MUC17: variants seen among roughly 807,000 people sequenced by gnomAD.
The protein encoded by MUC17 is mucin-17.
Under a neutral mutation model 170.3 loss-of-function variants are expected in MUC17, and 190 were observed. The observed-to-expected ratio is 1.12, with a 90% CI of 0.99 to 1.26. The LOEUF is 1.26. Ranked by LOEUF, MUC17 falls within the 50% of genes most tolerant of loss-of-function variation. The pLI, the probability that MUC17 is intolerant of heterozygous loss-of-function variation, is 0.00. For synonymous variants in MUC17, 2,325 were observed against 2,002.5 expected (o/e 1.16, Z -4.30); for missense variants, 6,415 against 5,530.0 (o/e 1.16, Z -5.08).
In MUC17 at chr7:101,058,268, G is replaced by C. The variant is rs1454089772; in HGVS notation, c.*224G>C. The C allele has an allele frequency of 5.2e-6, 2 of 386,916 alleles. No individual in the cohort carries two copies. The highest frequency in any genetic ancestry group is 9.3e-6 in the Non-Finnish European group (2 of 214,796). The allele number at this position is 386,916 out of a possible 1,614,324, so 24.0% of individuals were successfully genotyped here. On this transcript the variant is annotated 3_prime_UTR_variant, in exon 13 of 13. Coordinates refer to ENST00000306151, the MANE Select transcript of MUC17 (RefSeq NM_001040105.2). ...ATGGGCTTGTCATGATATCAGGCTA[G>C]GCTTTCCTGCTCATTTTTCAAAGAC...
rs1369952499 is a variant in MUC17 at position 101,039,254 on chromosome 7, C to T, written c.7838C>T (p.Ser2613Leu). 3 of 1,613,476 alleles carry T rather than the reference C, an allele frequency of 1.9e-6. No individual in the cohort carries two copies. Among genetic ancestry groups the T allele is most frequent in the East Asian group, 4.5e-5 (2 of 44,842 alleles). Residue 2613 changes from serine (S) to leucine (L), a missense_variant, in exon 3 of 13, where the codon TCA becomes TTA. Ser to Leu is a moderately radical substitution (Grantham distance 145, BLOSUM62 -2). Coordinates refer to ENST00000306151, the MANE Select transcript of MUC17 (RefSeq NM_001040105.2). The part of the protein sequence containing the change: ...IPVTTSTETS[S>L]SPTTAKDTSM... ...GTCACCACTTCTACTGAAACCAGTT[C>T]ATCTCCTACAACTGCAAAAGATACC...
rs138940821 is a variant in MUC17, at chr7:101,053,091, G to A, written c.13209G>A (p.Leu4403=). 3 of 1,614,036 alleles carry A rather than the reference G, an allele frequency of 1.9e-6. No homozygotes were observed. The highest frequency in any genetic ancestry group is 2.5e-6 in the Non-Finnish European group (3 of 1,180,022). Residue 4403 remains leucine, a synonymous_variant, in exon 10 of 13, where the codon CTG becomes CTA. Coordinates refer to ENST00000306151, the MANE Select transcript of MUC17 (RefSeq NM_001040105.2). ...GLVGAGVVLM[L]IILVALLMLV... is the part of the protein sequence containing the mutation. Reference sequence around the variant, plus strand: ...TGGGGGCAGGGGTCGTGCTGATGCTGATCATCCTGGTAGCTCTCCTGATGC... The same window carrying A: ...TGGGGGCAGGGGTCGTGCTGATGCTAATCATCCTGGTAGCTCTCCTGATGC...
At chr7:101,047,145 C>T (rs1794857080) in intron 3 of MUC17, among the ~76,000 whole-genome samples, 1 of 148,558 alleles carries the variant, frequency 6.7e-6, no homozygotes, top group Middle Eastern at 3.4e-3. Flanking sequence ...TAAACTCCTC[C>T]CTCAAACTCC....
chr7:101,020,392 T>C (rs1794051320), intron 1 of MUC17, among the ~76,000 whole-genome samples, 175 bp downstream of exon 1: 2 of 152,106 alleles, frequency 1.3e-5, no homozygotes. Flanking sequence ...CCAGCGAGCT[T>C]TGGGGGAAGA....
intron 6 of MUC17, 126 bp from the exon 7 acceptor site, chr7:101,050,358 C>T: frequency 7.3e-7 from 1 of 1,371,880 alleles, no homozygotes; most frequent in South Asian, 1.4e-5. Flanking sequence ...ACAGAGTCAT[C>T]ACCCCAACTG....
Position 101,033,278 on chromosome 7 carries a change from C to A in MUC17, c.1862C>A (p.Thr621Asn), listed in dbSNP as rs1339341695. 3.7e-6 allele frequency: 6 copies of A among 1,613,936 alleles called. No individual in the cohort carries two copies. Among genetic ancestry groups the A allele is most frequent in the Admixed American group, 3.3e-5 (2 of 59,992 alleles). Residue 621 changes from threonine to asparagine, a missense_variant, in exon 3 of 13, where the codon ACC (threonine) becomes AAC (asparagine). Physicochemically the swap from Thr to Asn is moderately conservative, Grantham distance 65. Transcript: ENST00000306151. ...STTAEGTSMP[T>N]STYSERGTTI... ...ACTGCTGAAGGTACCAGCATGCCAACCTCAACTTACAGTGAAAGAGGCACT... is the reference window on the plus strand; with the variant it reads ...ACTGCTGAAGGTACCAGCATGCCAAACTCAACTTACAGTGAAAGAGGCACT...
rs1244681939 is a variant in MUC17 at position 101,048,961 on chromosome 7, T to C, written c.12652T>C (p.Phe4218Leu). ...GGAATTCCAGGAGTTCAAACAGACA[T>C]TCACGGAACAGGTAAGTCTGGGAGA... ...SQEFQEFKQT[F>L]TEQMNIVYSG... The change falls in exon 5 of 13, where the codon TTC becomes CTC. Residue 4218 changes from phenylalanine to leucine, a missense_variant. Coordinates refer to ENST00000306151, the MANE Select transcript of MUC17 (RefSeq NM_001040105.2). 2 of 1,614,098 alleles carry C rather than the reference T, an allele frequency of 1.2e-6. No individual in the cohort carries two copies. The highest frequency in any genetic ancestry group is 1.7e-6 in the Non-Finnish European group (2 of 1,179,996).
rs768965597 is a variant in MUC17 at position 101,047,971 on chromosome 7, G to T, written c.12404-13G>T. 1.4e-5 allele frequency: 22 copies of T among 1,570,382 alleles called. No individual in the cohort carries two copies. The highest frequency in any genetic ancestry group is 1.9e-5 in the Non-Finnish European group (22 of 1,160,188). On this transcript the variant is annotated splice_polypyrimidine_tract_variant and intron_variant, in intron 3 of 12. Transcript: ENST00000306151. The stretch of plus-strand genomic sequence containing the variant: ...AGGAACTTGGAAAGAAAACTTCTGT[G>T]ATTGTTCCACAGGCTTTGGAGATGG...
At chr7:101,049,246 G>A (rs1252932621) in intron 5 of MUC17, 78 bp from the exon 6 acceptor site, 1 of 1,593,068 alleles carries the variant, frequency 6.3e-7, no homozygotes, top group African/African-American at 1.3e-5. Context: ...ATCATCCCCT[G>A]GTCCTGTGAC....
In MUC17 at chr7:101,033,738, A is replaced by C. The variant is rs1453007368; in HGVS notation, c.2322A>C (p.Thr774=). ...CCCTTTCAACAACTCCTCTTGACACAAGCACACATATCACCACTTCTACTG... is the reference window on the plus strand; with the variant it reads ...CCCTTTCAACAACTCCTCTTGACACCAGCACACATATCACCACTTCTACTG... ...ASTLSTTPLD[T]STHITTSTEA... is the part of the protein sequence containing the mutation. The change falls in exon 3 of 13, where the codon ACA becomes ACC. Residue 774 remains threonine, a synonymous_variant. Transcript: ENST00000306151. 2.5e-6 allele frequency: 4 copies of C among 1,608,286 alleles called. No homozygotes were observed. The highest frequency in any genetic ancestry group is 2.7e-5 in the African/African-American group (2 of 73,036).
rs1392076790 is a variant in MUC17, at chr7:101,058,489, G to A, written c.*445G>A. On this transcript the variant is annotated 3_prime_UTR_variant, in exon 13 of 13. Coordinates refer to ENST00000306151, the MANE Select transcript of MUC17 (RefSeq NM_001040105.2). ...TCTGATAGAGGAGGACCACGCTTCA[G>A]TCAAAGGCATACAAGTATCTATCTG... 1 of 154,218 alleles carries A rather than the reference G, an allele frequency of 6.5e-6. No homozygotes were observed. Among genetic ancestry groups the A allele is most frequent in the South Asian group, 2.0e-4 (1 of 4,942 alleles). 9.6% of individuals were successfully genotyped at this position (154,218 alleles called of 1,614,324 possible). A position where few individuals can be genotyped will look rare whatever the true frequency, so the allele number is the denominator to read the frequency against.
rs758681456 is a variant in MUC17, at chr7:101,042,173, C to A, written c.10757C>A (p.Thr3586Lys). The change falls in exon 3 of 13, where the codon ACA (threonine) becomes AAA (lysine). Residue 3586 changes from threonine to lysine, a missense_variant. By Grantham distance (78) the Thr-to-Lys change is moderately conservative (BLOSUM62 -1). Coordinates refer to ENST00000306151, the MANE Select transcript of MUC17 (RefSeq NM_001040105.2). Reference protein sequence around the residue: ...SSLTTMLLSSTYVTSSEASTP... With the variant: ...SSLTTMLLSSKYVTSSEASTP... ...TTAACAACTATGCTCCTCAGCAGCACATATGTGACCAGTTCTGAGGCTAGC... is the reference window on the plus strand; with the variant it reads ...TTAACAACTATGCTCCTCAGCAGCAAATATGTGACCAGTTCTGAGGCTAGC... The A allele has an allele frequency of 2.3e-5, 37 of 1,614,110 alleles. No homozygotes were observed. The highest frequency in any genetic ancestry group is 3.0e-5 in the Non-Finnish European group (35 of 1,180,040).
At position 101,040,719 on chromosome 7, in the gene MUC17, T is replaced by G; in HGVS notation, c.9303T>G (p.Ser3101Arg). The change falls in exon 3 of 13, where the codon AGT becomes AGG. Residue 3101 changes from serine (S) to arginine (R), a missense_variant. Coordinates refer to ENST00000306151, the MANE Select transcript of MUC17 (RefSeq NM_001040105.2). ...EGTSMPISTY[S>R]EGSTPLTGVP... is the part of the protein sequence containing the mutation. The stretch of plus-strand genomic sequence containing the variant: ...CCAGCATGCCAATCTCAACTTATAG[T>G]GAAGGAAGCACTCCATTAACAGGTG... 1 of 1,612,870 alleles carries G rather than the reference T, an allele frequency of 6.2e-7. No homozygotes were observed. The highest frequency in any genetic ancestry group is 8.5e-7 in the Non-Finnish European group (1 of 1,179,708).
At chr7:101,024,485 A>G (rs1794147213) in intron 1 of MUC17, among the ~76,000 whole-genome samples, 1 of 151,788 alleles carries the variant, frequency 6.6e-6, no homozygotes, top group Non-Finnish European at 1.5e-5. Context: ...GGGGGTTGTG[A>G]CCGCAACTGC....
chr7:101,047,008 G>A (rs1388911015), intron 3 of MUC17, among the ~76,000 whole-genome samples: 3 of 151,518 alleles, frequency 2.0e-5, no homozygotes, highest in African/African-American at 4.9e-5. Flanking sequence ...GTGAACCTGG[G>A]AGGCAGAGCT....
In MUC17 at chr7:101,032,228, G is replaced by A; in HGVS notation, c.812G>A (p.Ser271Asn). The change falls in exon 3 of 13, where the codon AGT (serine) becomes AAT (asparagine). Residue 271 changes from serine to asparagine, a missense_variant. Physicochemically the swap from Ser to Asn is conservative, Grantham distance 46 (BLOSUM62 1). Coordinates refer to ENST00000306151, the MANE Select transcript of MUC17 (RefSeq NM_001040105.2). Reference sequence around the variant, plus strand: ...CCCAGCCTGTCAAACTCAGCTCCTAGTGGAGGAAGCACTCCATTAACAAGA... The same window carrying A: ...CCCAGCCTGTCAAACTCAGCTCCTAATGGAGGAAGCACTCCATTAACAAGA... Reference protein sequence around the residue: ...EGPSLSNSAPSGGSTPLTRMP... With the variant: ...EGPSLSNSAPNGGSTPLTRMP... The A allele has an allele frequency of 1.9e-6, 3 of 1,614,158 alleles. No individual in the cohort carries two copies. Among genetic ancestry groups the A allele is most frequent in the African/African-American group, 1.3e-5 (1 of 75,052 alleles).
chr7:101,033,528 G>A lies in MUC17; in HGVS notation c.2112G>A (p.Glu704=), dbSNP rs144608211. 416 of 1,613,758 alleles carry A rather than the reference G, an allele frequency of 2.6e-4. No homozygotes were observed. Among genetic ancestry groups the A allele is most frequent in the Non-Finnish European group, 3.2e-4 (380 of 1,179,924 alleles). The part of the protein sequence containing the change: ...PVNTTLVASS[E]ASTLSTTPVD... ...ACACCACACTGGTGGCCAGTTCTGA[G>A]GCTAGCACCCTTTCAACAACTCCTG... Residue 704 remains glutamate, a synonymous_variant, in exon 3 of 13, where the codon GAG becomes GAA. Transcript: ENST00000306151.
chr7:101,039,227 C>G lies in MUC17; in HGVS notation c.7811C>G (p.Pro2604Arg). The G allele has an allele frequency of 6.2e-7, 1 of 1,613,014 alleles. No individual in the cohort carries two copies. The highest frequency in any genetic ancestry group is 8.5e-7 in the Non-Finnish European group (1 of 1,179,622). ...ACAACTCCTGTTGACACCAGCATACCTGTCACCACTTCTACTGAAACCAGT... is the reference window on the plus strand; with the variant it reads ...ACAACTCCTGTTGACACCAGCATACGTGTCACCACTTCTACTGAAACCAGT... Reference protein sequence around the residue: ...LSTTPVDTSIPVTTSTETSSS... With the variant: ...LSTTPVDTSIRVTTSTETSSS... The change falls in exon 3 of 13, where the codon CCT becomes CGT. Residue 2604 changes from proline (P) to arginine (R), a missense_variant. Physicochemically the swap from Pro to Arg is moderately radical, Grantham distance 103 (BLOSUM62 -2). Transcript: ENST00000306151.
chr7:101,049,097 T>C, intron 5 of MUC17, 125 bp downstream of exon 5: 2 of 1,468,458 alleles, frequency 1.4e-6, no homozygotes, highest in Non-Finnish European at 1.9e-6. Context: ...GGCCCCCACG[T>C]CCTCAGGGCT....
Sources: gnomAD v4.1 joint callset for allele counts (sites outside exome capture counted in the v4.1 genomes callset) on GRCh38, gnomAD v4.1.1 for gene constraint, MANE v1.5 for transcripts, NCBI Gene and HGNC (gene_info 2026-07-23, HGNC 2026-07-21) for gene names.